PPP2R2C: variants seen among roughly 807,000 people sequenced by gnomAD.
PPP2R2C encodes the protein protein phosphatase 2, regulatory subunit B, gamma.
Under a neutral mutation model 45.3 loss-of-function variants are expected in PPP2R2C, and 10 were observed. The ratio of observed to expected loss-of-function variants is 0.22; its 90% CI spans 0.14 to 0.37. The LOEUF is 0.37. Ranked by LOEUF, PPP2R2C falls within the 10% of genes least tolerant of loss-of-function variation. The pLI is 1.00. For missense variants in PPP2R2C, 308 were observed against 619.7 expected, an observed-to-expected ratio of 0.50 and a Z score of 5.34; for synonymous variants, 257 against 245.4, an observed-to-expected ratio of 1.05 and a Z score of -0.44.
intron 2 of PPP2R2C, among the ~76,000 whole-genome samples, chr4:6,490,027 C>T (rs1403389475): frequency 1.3e-5 from 2 of 152,184 alleles, no homozygotes; most frequent in Non-Finnish European, 2.9e-5. Context: ...AGGAAAATGA[C>T]CTCCGCCTGC....
rs867027230 is a variant in PPP2R2C, at chr4:6,452,942, C to T, written c.70+19218G>A. On this transcript the variant is annotated intron_variant, in intron 1 of 8. Transcript: ENST00000382599. ...GAAGGGCTGCCACCATGCCTGACTC[C>T]AGCTCCCCACGGCCACACTGCAGGC... is the stretch of plus-strand genomic sequence containing the variant. Among the ~76,000 whole-genome samples the T allele has an allele frequency of 7.9e-5, 12 of 152,310 alleles. No homozygotes were observed. The Middle Eastern group carries it at 0.014, about 173-fold the overall frequency.
intron 5 of PPP2R2C, among the ~76,000 whole-genome samples, chr4:6,358,272 C>G (rs1385875011): frequency 6.6e-6 from 1 of 152,174 alleles, no homozygotes; most frequent in African/African-American, 2.4e-5. Flanking sequence ...CTGGGAAAAC[C>G]AGCTAGCCAT....
At position 6,501,097 on chromosome 4, in the gene PPP2R2C, C is replaced by G. The variant is rs531302422; in HGVS notation, c.49+34174G>C. Among the ~76,000 whole-genome samples the G allele has an allele frequency of 5.3e-5, 8 of 152,342 alleles. No homozygotes were observed. The South Asian group carries it at 1.7e-3, about 32-fold the overall frequency. On this transcript the variant is annotated intron_variant, in intron 2 of 9. Coordinates refer to the PPP2R2C transcript ENST00000506140. ...GGCTTTTTTAAGTTGGAATAATTAA[C>G]TATAAATTATTCAGTGATCTGGGAT... is the stretch of plus-strand genomic sequence containing the variant.
intron 4 of PPP2R2C, 93 bp downstream of exon 4, chr4:6,375,726 G>A: frequency 8.9e-7 from 1 of 1,124,014 alleles, no homozygotes; most frequent in Middle Eastern, 3.0e-4. Context: ...GTCTGCACCT[G>A]ACTCTGGCTC....
chr4:6,403,376 C>T (rs1447487861), intron 1 of PPP2R2C, among the ~76,000 whole-genome samples: 2 of 152,130 alleles, frequency 1.3e-5, no homozygotes, highest in Non-Finnish European at 2.9e-5. Flanking sequence ...CTTCCTGCCC[C>T]CTAGGTGTTT....
Position 6,323,547 on chromosome 4 carries a change from G to A in PPP2R2C, c.1099C>T (p.Arg367Trp), listed in dbSNP as rs1204594682. 2 of 1,586,396 alleles carry A rather than the reference G, an allele frequency of 1.3e-6. No homozygotes were observed. Among genetic ancestry groups the A allele is most frequent in the Non-Finnish European group, 1.7e-6 (2 of 1,159,148 alleles). ...AGGGTCACGTCCCGCTTGGTGTTCC[G>A]ATCGAACATGCGGAAGAAGTTGTTG... ...AYNNFFRMFD[R>W]NTKRDVTLEA... The change falls in exon 9 of 9, where the codon CGG becomes TGG. Residue 367 changes from arginine to tryptophan, a missense_variant. Transcript: ENST00000382599.
intron 5 of PPP2R2C, among the ~76,000 whole-genome samples, chr4:6,365,466 T>C (rs1714216393): frequency 6.6e-6 from 1 of 152,146 alleles, no homozygotes; most frequent in African/African-American, 2.4e-5. Flanking sequence ...CATCGGCCAT[T>C]CCACCTTTAC....
In PPP2R2C at chr4:6,375,810, G is replaced by T. The variant is rs368259239; in HGVS notation, c.447+9C>A. The stretch of plus-strand genomic sequence containing the variant: ...GGCGTGTGCCTGCTTCCCCCTCACC[G>T]GAGCTCACCTGCAGTGACGTCACCG... On this transcript the variant is annotated intron_variant, in intron 4 of 8. Coordinates refer to ENST00000382599, the MANE Select transcript of PPP2R2C (RefSeq NM_020416.4). The T allele has an allele frequency of 4.3e-5, 69 of 1,597,556 alleles. No individual in the cohort carries two copies. In the Middle Eastern group the frequency reaches 6.8e-4, roughly 16 times the overall value.
At position 6,329,313 on chromosome 4, in the gene PPP2R2C, T is replaced by A; in HGVS notation, c.1001A>T (p.Glu334Val). Residue 334 changes from glutamate (E) to valine (V), a missense_variant, in exon 8 of 9, where the codon GAG becomes GTG. Physicochemically the swap from Glu to Val is moderately radical, Grantham distance 121. Transcript: ENST00000382599. This position sits in a 1 kb window ranked among gnomAD's most constrained non-coding sequence, Gnocchi z 5.8. Reference sequence around the variant, plus strand: ...AAACTTGTCGAAAATGCAGTCGTTCTCGTACAGGGAACAGAGCTTGCTCCG... The same window carrying A: ...AAACTTGTCGAAAATGCAGTCGTTCACGTACAGGGAACAGAGCTTGCTCCG... ...YLRSKLCSLY[E>V]NDCIFDKFEC... The A allele has an allele frequency of 6.2e-7, 1 of 1,614,204 alleles. No homozygotes were observed. Among genetic ancestry groups the A allele is most frequent in the Non-Finnish European group, 8.5e-7 (1 of 1,180,016 alleles).
Position 6,471,999 on chromosome 4 carries a change from G to GTGGGA in PPP2R2C, c.70+156_70+160dup, listed in dbSNP as rs1001458410. On this transcript the variant is annotated intron_variant, in intron 1 of 8. Coordinates refer to ENST00000382599, the MANE Select transcript of PPP2R2C (RefSeq NM_020416.4). This position sits in a 1 kb window ranked among gnomAD's most constrained non-coding sequence, Gnocchi z 5.6. The stretch of plus-strand genomic sequence containing the variant: ...CCCTCCCTCCTGGGCCCCGGGCAGG[G>GTGGGA]TGGGATGGGATGGGGTGGGGTGGGG... 4.2e-5 allele frequency among the ~76,000 whole-genome samples: 6 copies of GTGGGA among 144,000 alleles called. No homozygotes were observed. The highest frequency in any genetic ancestry group is 2.3e-4 in the South Asian group (1 of 4,380). The allele number at this position is 144,000 out of a possible 152,430, so 94.5% of individuals were successfully genotyped here. A position where few individuals can be genotyped will look rare whatever the true frequency, so the allele number is the denominator to read the frequency against.
chr4:6,429,727 A>G (rs369785319), intron 1 of PPP2R2C, among the ~76,000 whole-genome samples: 99 of 152,280 alleles, frequency 6.5e-4, no homozygotes, highest in African/African-American at 2.3e-3. Flanking sequence ...TTGAAGCTTT[A>G]TTGTATGCTA....
At chr4:6,365,580 A>G (rs1019476369) in intron 5 of PPP2R2C, among the ~76,000 whole-genome samples, 3 of 152,234 alleles carry the variant, frequency 2.0e-5, no homozygotes, top group African/African-American at 7.2e-5. Context: ...GCCTGGGCTC[A>G]GGGTCCCTTG....
intron 1 of PPP2R2C, among the ~76,000 whole-genome samples, chr4:6,554,164 G>A (rs1238063720): frequency 6.6e-6 from 1 of 152,186 alleles, no homozygotes; most frequent in Admixed American, 6.5e-5. Context: ...GGTCACTGCA[G>A]ATGTCATTAG....
At chr4:6,449,749 G>T (rs569417408) in intron 1 of PPP2R2C, among the ~76,000 whole-genome samples, 1 of 152,198 alleles carries the variant, frequency 6.6e-6, no homozygotes, top group African/African-American at 2.4e-5. Flanking sequence ...GTTCCATCCC[G>T]CACAAGGGCC....
At chr4:6,410,387 G>T (rs959648598) in intron 1 of PPP2R2C, among the ~76,000 whole-genome samples, 4 of 152,334 alleles carry the variant, frequency 2.6e-5, no homozygotes, top group Non-Finnish European at 5.9e-5. Flanking sequence ...GACTCGGGGG[G>T]TGGTGGCCAC....
At chr4:6,429,087 AGATACATGCCATG>A (rs1390122647) in intron 1 of PPP2R2C, among the ~76,000 whole-genome samples, 338 of 1,454 alleles carry the variant, frequency 0.23, 2 homozygotes, top group Admixed American at 0.34. Flanking sequence ...GACAATGTGT[AGATACATGCCATG>A]TGTAGATACA....
At chr4:6,477,771 C>G (rs1722214626) in intron 2 of PPP2R2C, among the ~76,000 whole-genome samples, 1 of 150,408 alleles carries the variant, frequency 6.6e-6, no homozygotes, top group African/African-American at 2.4e-5. Flanking sequence ...TGGACCTCCT[C>G]TTTGTCTGCA....
At chr4:6,466,511 GT>G (rs973471606) in intron 1 of PPP2R2C, among the ~76,000 whole-genome samples, 1 of 152,084 alleles carries the variant, frequency 6.6e-6, no homozygotes, top group African/African-American at 2.4e-5. Context: ...ACAGATTACA[GT>G]TTTCATTAAA....
intron 1 of PPP2R2C, among the ~76,000 whole-genome samples, chr4:6,416,344 A>C (rs1176644812): frequency 3.3e-5 from 5 of 152,210 alleles, no homozygotes; most frequent in Admixed American, 3.3e-4. Context: ...TACCAAGAGT[A>C]GGAGCCAGGA....
Sources: gnomAD v4.1 joint callset for allele counts (sites outside exome capture counted in the v4.1 genomes callset) on GRCh38, gnomAD v4.1.1 for gene constraint, Gnocchi (gnomAD v3.1) non-coding constraint, MANE v1.5 for transcripts, NCBI Gene and HGNC (gene_info 2026-07-23, HGNC 2026-07-21) for gene names.